Variants in TMEM178B observed in about 807,000 individuals in gnomAD.
TMEM178B encodes transmembrane protein 178B.
In TMEM178B, 5 loss-of-function variants were observed where a neutral mutation model predicts 31.0. The ratio of observed to expected loss-of-function variants is 0.16; its 90% CI spans 0.08 to 0.34. The LOEUF (loss-of-function observed/expected upper bound fraction) is 0.34, where lower values mean the gene tolerates loss of function less well. TMEM178B is among the 10% of genes least tolerant of loss of function. The probability of loss-of-function intolerance (pLI) is 1.00; values close to 1 mark genes in which losing one functional copy is unlikely to be tolerated. For synonymous variants in TMEM178B, 164 were observed against 164.0 expected (o/e 1.00, Z 0.00); for missense variants, 275 against 400.3 (o/e 0.69, Z 2.67).
chr7:141,219,164 A>G lies in TMEM178B; in HGVS notation c.496+6460A>G, dbSNP rs189371357. ...CCGTGTTGTTGTGGCTCCTTTGCAG[A>G]TGAGGTAACCGAGCCAGTGGGAGGG... is the stretch of plus-strand genomic sequence containing the variant. On this transcript the variant is annotated intron_variant, in intron 2 of 3. Transcript: ENST00000565468. Among the ~76,000 whole-genome samples, 876 of 152,220 alleles carry G rather than the reference A, an allele frequency of 5.8e-3. 5 individuals carry two copies. Among genetic ancestry groups the G allele is most frequent in the Non-Finnish European group, 7.1e-3 (482 of 67,998 alleles).
chr7:141,323,849 G>GAT (rs1367062260), intron 2 of TMEM178B, among the ~76,000 whole-genome samples: 3 of 152,288 alleles, frequency 2.0e-5, no homozygotes, highest in African/African-American at 7.2e-5. Flanking sequence ...CATGGAAAGG[G>GAT]ATATGAAGTA....
intron 1 of TMEM178B, among the ~76,000 whole-genome samples, chr7:141,190,996 A>G (rs1222101112): frequency 6.6e-6 from 1 of 152,232 alleles, no homozygotes; most frequent in Non-Finnish European, 1.5e-5. Flanking sequence ...GTGAAGCAAC[A>G]TACATCAGGT....
In TMEM178B at chr7:141,074,236, G is replaced by A. The variant is rs887045640; in HGVS notation, c.-75G>A. ...CCCTCCCCCAGCTCGGCCGCCCGCC[G>A]CTTTGTTCCGGGTGCGGCGAGGGAA... On this transcript the variant is annotated 5_prime_UTR_variant, in exon 1 of 4. Coordinates refer to ENST00000565468, the MANE Select transcript of TMEM178B (RefSeq NM_001195278.2). This position sits in a 1 kb window ranked among gnomAD's most constrained non-coding sequence, Gnocchi z 5.1. The A allele has an allele frequency of 2.8e-6, 4 of 1,440,974 alleles. No homozygotes were observed. Among genetic ancestry groups the A allele is most frequent in the East Asian group, 5.0e-5 (2 of 39,776 alleles). 89.3% of individuals were successfully genotyped at this position (1,440,974 alleles called of 1,614,324 possible).
rs144803188 is a variant in TMEM178B, at chr7:141,203,497, T to C, written c.383-9094T>C. 1.2e-4 allele frequency among the ~76,000 whole-genome samples: 18 copies of C among 152,344 alleles called. No homozygotes were observed. In the East Asian group the frequency reaches 3.3e-3, roughly 28 times the overall value. On this transcript the variant is annotated intron_variant, in intron 1 of 3. Transcript: ENST00000565468. ...CATGGACGATGTCCCTTCCTCCCTT[T>C]CTTTCTTTCCTCATCAGTGGATGTA...
intron 3 of TMEM178B, among the ~76,000 whole-genome samples, chr7:141,464,304 C>G (rs999892202): frequency 2.0e-5 from 3 of 152,146 alleles, no homozygotes; most frequent in Non-Finnish European, 4.4e-5. Context: ...ATAACTCTTA[C>G]CAGTTGCTAC....
intron 1 of TMEM178B, among the ~76,000 whole-genome samples, chr7:141,110,873 G>A (rs1253901927): frequency 2.0e-5 from 3 of 152,160 alleles, no homozygotes; most frequent in African/African-American, 7.2e-5. Context: ...AGAGCTCGCT[G>A]TCTTGTTCTC....
intron 1 of TMEM178B, among the ~76,000 whole-genome samples, chr7:141,131,022 T>C (rs1487898674): frequency 6.6e-6 from 1 of 152,218 alleles, no homozygotes; most frequent in Non-Finnish European, 1.5e-5. Context: ...AGTTTTAGGG[T>C]TGAATTCCCA....
chr7:141,308,141 C>T (rs906426434), intron 2 of TMEM178B, among the ~76,000 whole-genome samples: 15 of 152,290 alleles, frequency 9.8e-5, no homozygotes, highest in African/African-American at 3.4e-4. Flanking sequence ...CCAAGTCACA[C>T]ATCAAATAAA....
intron 2 of TMEM178B, among the ~76,000 whole-genome samples, chr7:141,239,406 C>T (rs1797581124): frequency 6.6e-6 from 1 of 152,090 alleles, no homozygotes; most frequent in Non-Finnish European, 1.5e-5. Context: ...CCTGGGATAG[C>T]CCTTCAGAGT....
intron 2 of TMEM178B, among the ~76,000 whole-genome samples, chr7:141,221,653 A>G (rs971428945): frequency 6.6e-6 from 1 of 152,210 alleles, no homozygotes; most frequent in Non-Finnish European, 1.5e-5. Context: ...CTATGCCCAG[A>G]ACAAGGTGGG....
At chr7:141,328,052 A>G (rs1410258653) in intron 2 of TMEM178B, among the ~76,000 whole-genome samples, 3 of 152,152 alleles carry the variant, frequency 2.0e-5, no homozygotes, top group Admixed American at 6.5e-5. Context: ...AAGGATCTTA[A>G]CTGGACCTGG....
At chr7:141,442,065 C>G (rs1415975311) in intron 3 of TMEM178B, among the ~76,000 whole-genome samples, 1 of 152,214 alleles carries the variant, frequency 6.6e-6, no homozygotes, top group Admixed American at 6.5e-5. Flanking sequence ...AGCTCAGGAA[C>G]AGGATGCCAC....
rs1246679405 is a variant in TMEM178B, at chr7:141,336,903, CCAT to C, written c.497-100699_497-100697del. On this transcript the variant is annotated intron_variant, in intron 2 of 3. Transcript: ENST00000565468. ...ACCACCATCACCGCTACCACCACCACCATCATCACCACCACCACCACCACCACC... is the reference window on the plus strand; with the variant it reads ...ACCACCATCACCGCTACCACCACCACCATCACCACCACCACCACCACCACC... Among the ~76,000 whole-genome samples the C allele has an allele frequency of 4.1e-4, 50 of 121,388 alleles. 2 individuals carry two copies. In the East Asian group the frequency reaches 7.8e-3, roughly 19 times the overall value. The allele number at this position is 121,388 out of a possible 152,430, so 79.6% of individuals were successfully genotyped here.
intron 2 of TMEM178B, among the ~76,000 whole-genome samples, chr7:141,279,213 C>G (rs1798314593): frequency 6.6e-6 from 1 of 151,950 alleles, no homozygotes; most frequent in Admixed American, 6.6e-5. Flanking sequence ...TTTCTCTGGT[C>G]CAAAGCAAAA....
chr7:141,182,448 A>T (rs1015349795), intron 1 of TMEM178B, among the ~76,000 whole-genome samples: 2 of 152,238 alleles, frequency 1.3e-5, no homozygotes, highest in African/African-American at 4.8e-5. Context: ...GTATTTAAAC[A>T]TGAGTTTTAA....
At chr7:141,182,007 T>C (rs1382449559) in intron 1 of TMEM178B, among the ~76,000 whole-genome samples, 1 of 152,260 alleles carries the variant, frequency 6.6e-6, no homozygotes, top group Non-Finnish European at 1.5e-5. Flanking sequence ...TCATTCAGGC[T>C]AGACCTTGAG....
rs142946982 is a variant in TMEM178B at position 141,097,853 on chromosome 7, A to C, written c.382+23161A>C. Among the ~76,000 whole-genome samples the C allele has an allele frequency of 1.9e-3, 270 of 142,014 alleles. 1 individual carries two copies. Among genetic ancestry groups the C allele is most frequent in the African/African-American group, 6.6e-3 (242 of 36,600 alleles). The allele number at this position is 142,014 out of a possible 152,430, so 93.2% of individuals were successfully genotyped here. On this transcript the variant is annotated intron_variant, in intron 1 of 3. Transcript: ENST00000565468. ...TGTCACCCAGGATGGAGTGCAGTGG[A>C]ACGATCTCTCTCACTGCAGCTTCGA...
chr7:141,189,465 A>T (rs1796663234), intron 1 of TMEM178B, among the ~76,000 whole-genome samples: 1 of 152,192 alleles, frequency 6.6e-6, no homozygotes. Flanking sequence ...GTCAATTCCT[A>T]GGTCTGGCAG....
intron 1 of TMEM178B, among the ~76,000 whole-genome samples, chr7:141,140,976 G>A (rs1440627379): frequency 6.6e-6 from 1 of 152,024 alleles, no homozygotes; most frequent in Non-Finnish European, 1.5e-5. Flanking sequence ...TTTTCCTACT[G>A]TACTCTTTCG....
Sources: gnomAD v4.1 joint callset for allele counts (sites outside exome capture counted in the v4.1 genomes callset) on GRCh38, gnomAD v4.1.1 for gene constraint, Gnocchi (gnomAD v3.1) non-coding constraint, MANE v1.5 for transcripts, NCBI Gene and HGNC (gene_info 2026-07-23, HGNC 2026-07-21) for gene names.